Variants in PABPC1 observed in about 807,000 individuals in gnomAD.
PABPC1 encodes polyadenylate-binding protein 1.
PABPC1 carries 4 observed loss-of-function variants against 74.0 expected under a neutral mutation model. The ratio of observed to expected loss-of-function variants is 0.05; its 90% CI spans 0.03 to 0.12. PABPC1 has a LOEUF of 0.12. Ranked by LOEUF, PABPC1 falls within the 10% of genes least tolerant of loss-of-function variation. PABPC1 has a pLI of 1.00. For missense variants in PABPC1, 271 were observed against 821.1 expected, an observed-to-expected ratio of 0.33 and a Z score of 8.19; for synonymous variants, 227 against 264.1, an observed-to-expected ratio of 0.86 and a Z score of 1.36.
At chr8:100,706,209 G>C (rs991916829) in intron 11 of PABPC1, among the ~76,000 whole-genome samples, 1 of 152,182 alleles carries the variant, frequency 6.6e-6, no homozygotes, top group Non-Finnish European at 1.5e-5. Context: ...TGAATTTCTC[G>C]CTGCTTGTCC....
chr8:100,705,531 A>C, intron 12 of PABPC1, 58 bp downstream of exon 12: 1 of 1,042,150 alleles, frequency 9.6e-7, no homozygotes, highest in Non-Finnish European at 1.5e-6. Context: ...CTAGTGCCTA[A>C]GTGATTCCTA....
At chr8:100,719,974 G>A (rs577354799) in intron 1 of PABPC1, among the ~76,000 whole-genome samples, 2 of 152,374 alleles carry the variant, frequency 1.3e-5, no homozygotes, top group South Asian at 2.1e-4. Flanking sequence ...TTCTGGCTCT[G>A]TGTCACTCAA....
intron 7 of PABPC1, among the ~76,000 whole-genome samples, chr8:100,711,967 T>C (rs1587155656): frequency 6.6e-6 from 1 of 152,330 alleles, no homozygotes; most frequent in East Asian, 1.9e-4. Flanking sequence ...TGATTTCAAA[T>C]AAAAGAAAAT....
chr8:100,705,067 A>G lies in PABPC1; in HGVS notation c.1688-11T>C, dbSNP rs1210665147. 3 of 1,597,624 alleles carry G rather than the reference A, an allele frequency of 1.9e-6. No homozygotes were observed. The highest frequency in any genetic ancestry group is 2.6e-6 in the Non-Finnish European group (3 of 1,174,680). On this transcript the variant is annotated splice_polypyrimidine_tract_variant and intron_variant, in intron 12 of 14. Transcript: ENST00000318607. ...GAAACAGCCGTTCACCTAGGAACAGAAACATTCAAAAACTCCCTTCAATAA... is the reference window on the plus strand; with the variant it reads ...GAAACAGCCGTTCACCTAGGAACAGGAACATTCAAAAACTCCCTTCAATAA...
At chr8:100,718,585 ACTTT>A in intron 1 of PABPC1, among the ~76,000 whole-genome samples, 1 of 152,282 alleles carries the variant, frequency 6.6e-6, no homozygotes, top group Non-Finnish European at 1.5e-5. Flanking sequence ...AATCTAAAGC[ACTTT>A]TTTTCCTAGT....
chr8:100,704,210 C>T (rs1810321777), intron 14 of PABPC1, 87 bp downstream of exon 14: 15 of 974,020 alleles, frequency 1.5e-5, no homozygotes, highest in East Asian at 2.4e-5. Flanking sequence ...TGATCTTTTG[C>T]TATGTACATT....
At chr8:100,703,480 C>T (rs1394801263) in intron 14 of PABPC1, 121 bp from the exon 15 acceptor site, 2 of 152,200 alleles carry the variant, frequency 1.3e-5, no homozygotes, top group African/African-American at 2.4e-5. Flanking sequence ...CACAGCCATA[C>T]CTGTTCATTT....
intron 3 of PABPC1, among the ~76,000 whole-genome samples, chr8:100,716,453 T>C (rs949822410): frequency 1.3e-5 from 2 of 152,182 alleles, no homozygotes; most frequent in Non-Finnish European, 2.9e-5. Flanking sequence ...ACATGTGTCA[T>C]AGCATATTAT....
chr8:100,715,607 A>G lies in PABPC1; in HGVS notation c.504-6T>C, dbSNP rs749108069. 4 of 1,595,880 alleles carry G rather than the reference A, an allele frequency of 2.5e-6. No homozygotes were observed. Among genetic ancestry groups the G allele is most frequent in the Non-Finnish European group, 3.4e-6 (4 of 1,166,488 alleles). ...ACTTAAATCGTCCAACAAATCTAAT[A>G]AGATATACAAGGACTATAACATTAG... On this transcript the variant is annotated splice_region_variant and splice_polypyrimidine_tract_variant and intron_variant, in intron 3 of 14. Transcript: ENST00000318607.
intron 7 of PABPC1, 66 bp from the exon 8 acceptor site, chr8:100,709,797 A>T: frequency 7.1e-7 from 1 of 1,415,850 alleles, no homozygotes. Context: ...AGAGCGTTAC[A>T]ATTTAGACAA....
chr8:100,704,833 T>C, intron 13 of PABPC1, 93 bp downstream of exon 13: 2 of 1,262,778 alleles, frequency 1.6e-6, no homozygotes, highest in African/African-American at 1.5e-5. Context: ...GGCTTATATA[T>C]AACACGATGT....
At chr8:100,709,062 G>A in intron 9 of PABPC1, 71 bp downstream of exon 9, 1 of 1,133,694 alleles carries the variant, frequency 8.8e-7, no homozygotes, top group South Asian at 1.3e-5. Flanking sequence ...CATTGACATA[G>A]AAGAGCTGAT....
chr8:100,713,093 T>C lies in PABPC1; in HGVS notation c.732A>G (p.Ala244=). ...GFVSFERHED[A]QKAVDEMNGK... Reference sequence around the variant, plus strand: ...CTGAATACAGACCACTTACTTTCTGTGCATCTTCATGCCTTTCAAAGCTTA... The same window carrying C: ...CTGAATACAGACCACTTACTTTCTGCGCATCTTCATGCCTTTCAAAGCTTA... The change falls in exon 5 of 15, where the codon GCA becomes GCG. Residue 244 remains alanine, a synonymous_variant. Transcript: ENST00000318607. 2.2e-5 allele frequency: 36 copies of C among 1,604,568 alleles called. No individual in the cohort carries two copies. Among genetic ancestry groups the C allele is most frequent in the Non-Finnish European group, 3.1e-5 (36 of 1,175,182 alleles).
At chr8:100,708,271 A>G (rs1380314515) in intron 9 of PABPC1, among the ~76,000 whole-genome samples, 19 of 152,182 alleles carry the variant, frequency 1.2e-4, no homozygotes, top group Non-Finnish European at 1.5e-4. Context: ...CCTGGCCAAC[A>G]GGGCAAAATC....
chr8:100,713,519 T>C (rs905897964), intron 4 of PABPC1, among the ~76,000 whole-genome samples: 1 of 152,200 alleles, frequency 6.6e-6, no homozygotes, highest in Non-Finnish European at 1.5e-5. Context: ...AGACAGTATA[T>C]CATTCCATTG....
chr8:100,720,759 T>C (rs959301161), intron 1 of PABPC1, among the ~76,000 whole-genome samples: 4 of 152,176 alleles, frequency 2.6e-5, no homozygotes, highest in Non-Finnish European at 5.9e-5. Flanking sequence ...GTAAATTCCA[T>C]TCCTAGATCC....
intron 9 of PABPC1, among the ~76,000 whole-genome samples, chr8:100,707,828 C>T (rs546979954): frequency 3.2e-4 from 48 of 152,210 alleles, no homozygotes; most frequent in Non-Finnish European, 6.2e-4. Flanking sequence ...TTGACACTTA[C>T]GCTACTGCTA....
intron 4 of PABPC1, 41 bp downstream of exon 4, chr8:100,715,421 T>G: frequency 6.5e-7 from 1 of 1,543,412 alleles, no homozygotes; most frequent in South Asian, 1.2e-5. Flanking sequence ...TGAGCACTAA[T>G]TCAGAGCTTT....
rs775519268 is a variant in PABPC1, at chr8:100,712,790, C to CT, written c.739-2dup. 5.7e-5 allele frequency: 87 copies of CT among 1,514,908 alleles called. No individual in the cohort carries two copies. Among genetic ancestry groups the CT allele is most frequent in the Middle Eastern group, 1.8e-4 (1 of 5,660 alleles). 93.8% of individuals were successfully genotyped at this position (1,514,908 alleles called of 1,614,324 possible). ...CCTTTCCGTTCATCTCATCCACAGC[C>CT]TTCCCCCCAAAAAAAAAGAAAAAAA... On this transcript the variant is annotated splice_acceptor_variant, in intron 5 of 14. Coordinates refer to ENST00000318607, the MANE Select transcript of PABPC1 (RefSeq NM_002568.4). LOFTEE classifies it high-confidence loss of function.
Sources: allele counts gnomAD v4.1 joint callset (sites outside exome capture counted in the v4.1 genomes callset), GRCh38; gene constraint gnomAD v4.1.1; transcripts MANE v1.5; gene names NCBI Gene and HGNC (gene_info 2026-07-23, HGNC 2026-07-21).